TRERF1: variants seen among roughly 807,000 people sequenced by gnomAD.
TRERF1 encodes transcriptional-regulating factor 1.
A neutral mutation model predicts 122.9 loss-of-function variants in TRERF1; 27 were observed. That is an observed-to-expected ratio of 0.22 (90% confidence interval 0.16 to 0.30). TRERF1 has a LOEUF of 0.30. Ranked by LOEUF, TRERF1 falls within the 10% of genes least tolerant of loss-of-function variation. The pLI is 1.00. For synonymous variants in TRERF1, 636 were observed against 641.7 expected, an observed-to-expected ratio of 0.99 and a Z score of 0.13; for missense variants, 1,248 against 1,560.3, an observed-to-expected ratio of 0.80 and a Z score of 3.37.
chr6:42,303,927 A>AAG (rs1786692962), intron 3 of TRERF1, among the ~76,000 whole-genome samples: 1 of 150,110 alleles, frequency 6.7e-6, no homozygotes, highest in Non-Finnish European at 1.5e-5. Context: ...AAAAAAAAAA[A>AAG]AAGAAGATGT....
intron 2 of TRERF1, among the ~76,000 whole-genome samples, chr6:42,367,804 T>C (rs1773028799): frequency 6.6e-6 from 1 of 152,052 alleles, no homozygotes. Flanking sequence ...CAGGGGACCA[T>C]TTTTCAGCTG....
chr6:42,369,535 C>T (rs1317700144), intron 2 of TRERF1, among the ~76,000 whole-genome samples: 1 of 151,956 alleles, frequency 6.6e-6, no homozygotes, highest in Non-Finnish European at 1.5e-5. Flanking sequence ...AAAATCTGCA[C>T]CCCCACCCAG....
chr6:42,357,185 C>T (rs1287198415), intron 3 of TRERF1, among the ~76,000 whole-genome samples: 1 of 151,626 alleles, frequency 6.6e-6, no homozygotes, highest in Non-Finnish European at 1.5e-5. Flanking sequence ...AAAAATTAGC[C>T]AGGCATGGTG....
At chr6:42,270,539 G>C (rs1780030381) in intron 4 of TRERF1, among the ~76,000 whole-genome samples, 1 of 152,154 alleles carries the variant, frequency 6.6e-6, no homozygotes. Flanking sequence ...GCACAATGCG[G>C]AGAAATGACT....
chr6:42,354,245 A>G (rs191523274), intron 3 of TRERF1, among the ~76,000 whole-genome samples: 65 of 152,268 alleles, frequency 4.3e-4, no homozygotes, highest in Admixed American at 3.5e-3. Context: ...CATTTTCTAT[A>G]TATTTGTTTA....
At position 42,360,770 on chromosome 6, in the gene TRERF1, T is replaced by TAAAAAAAAAAAAAAA. The variant is rs1491517636; in HGVS notation, c.-371+2226_-371+2227insTTTTTTTTTTTTTTT. 9.4e-5 allele frequency among the ~76,000 whole-genome samples: 6 copies of TAAAAAAAAAAAAAAA among 64,046 alleles called. 2 individuals are homozygous for TAAAAAAAAAAAAAAA. Among genetic ancestry groups the TAAAAAAAAAAAAAAA allele is most frequent in the African/African-American group, 2.3e-4 (5 of 21,586 alleles). 42.0% of individuals were successfully genotyped at this position (64,046 alleles called of 152,430 possible). ...ACCCAGGGAGGAAGGAGTGGAGAGA[T>TAAAAAAAAAAAAAAA]TAAAAAAAAAAAAAAAAAAAAAAAA... On this transcript the variant is annotated intron_variant, in intron 3 of 17. Coordinates refer to ENST00000372922, the Ensembl canonical transcript of TRERF1.
intron 3 of TRERF1, among the ~76,000 whole-genome samples, chr6:42,312,222 G>T (rs1392350776): frequency 1.3e-5 from 2 of 152,134 alleles, no homozygotes; most frequent in Non-Finnish European, 2.9e-5. Context: ...AGAGCCACCA[G>T]AGAAGAGCAG....
intron 2 of TRERF1, among the ~76,000 whole-genome samples, chr6:42,395,433 G>C (rs977589189): frequency 5.9e-5 from 9 of 152,170 alleles, no homozygotes; most frequent in Non-Finnish European, 1.2e-4. Context: ...GGGGGACAGA[G>C]GATTGAGCCC....
rs1373631479 is a variant in TRERF1 at position 42,359,667 on chromosome 6, T to C, written c.-371+3330A>G. Among the ~76,000 whole-genome samples, 3 of 152,202 alleles carry C rather than the reference T, an allele frequency of 2.0e-5. No homozygotes were observed. In the East Asian group the frequency reaches 5.8e-4, roughly 29 times the overall value. ...TGAACCTGGGAGGCGGAGGTTGCAG[T>C]GAGCCGAGATCGCACCACAACACTC... On this transcript the variant is annotated intron_variant, in intron 3 of 17. Coordinates refer to ENST00000372922, the Ensembl canonical transcript of TRERF1.
At chr6:42,332,681 G>A (rs952804081) in intron 3 of TRERF1, among the ~76,000 whole-genome samples, 4 of 152,172 alleles carry the variant, frequency 2.6e-5, no homozygotes, top group East Asian at 1.9e-4. Context: ...GGGCCCTCAC[G>A]GTTACTTAGG....
chr6:42,377,050 G>A (rs1054742057), intron 2 of TRERF1, among the ~76,000 whole-genome samples: 1 of 151,522 alleles, frequency 6.6e-6, no homozygotes, highest in Non-Finnish European at 1.5e-5. Flanking sequence ...ATTTTTAGTA[G>A]AGACGGGGTT....
chr6:42,320,427 AT>A (rs1398316746), intron 3 of TRERF1, among the ~76,000 whole-genome samples: 2 of 152,174 alleles, frequency 1.3e-5, no homozygotes, highest in Non-Finnish European at 2.9e-5. Context: ...AGCACAACCT[AT>A]TAAAGACGAA....
chr6:42,405,042 C>T (rs1172287240), intron 2 of TRERF1, among the ~76,000 whole-genome samples: 2 of 152,180 alleles, frequency 1.3e-5, no homozygotes, highest in Non-Finnish European at 2.9e-5. Flanking sequence ...CAGCAACCAC[C>T]ACTTACAGCT....
chr6:42,361,733 C>T (rs1445945965), intron 3 of TRERF1, among the ~76,000 whole-genome samples: 1 of 152,224 alleles, frequency 6.6e-6, no homozygotes, highest in East Asian at 1.9e-4. Context: ...ACTCTTGACT[C>T]TGTGAGACTG....
chr6:42,325,630 T>C (rs1375748555), intron 3 of TRERF1, among the ~76,000 whole-genome samples: 2 of 152,098 alleles, frequency 1.3e-5, no homozygotes, highest in Non-Finnish European at 2.9e-5. Flanking sequence ...TCCCAGCACT[T>C]TGGGAGGCTG....
At chr6:42,254,805 G>A (rs759724248) in intron 13 of TRERF1, 46 bp downstream of exon 13, 6 of 1,559,030 alleles carry the variant, frequency 3.8e-6, no homozygotes, top group Non-Finnish European at 5.3e-6. Context: ...CATGCAAGCA[G>A]CCCGTCGTCA....
chr6:42,298,530 G>C (rs1315309324), intron 4 of TRERF1, among the ~76,000 whole-genome samples: 1 of 151,662 alleles, frequency 6.6e-6, no homozygotes. Flanking sequence ...ATAGGTTGAG[G>C]GTGGTGGCTC....
chr6:42,288,183 A>G (rs1348060526), intron 4 of TRERF1, among the ~76,000 whole-genome samples: 1 of 152,010 alleles, frequency 6.6e-6, no homozygotes, highest in Non-Finnish European at 1.5e-5. Flanking sequence ...GTGGGAACAG[A>G]GACAGTGTCA....
intron 2 of TRERF1, among the ~76,000 whole-genome samples, chr6:42,379,688 A>C (rs1418073297): frequency 6.6e-6 from 1 of 152,030 alleles, no homozygotes; most frequent in African/African-American, 2.4e-5. Flanking sequence ...GTGCTACCAC[A>C]CTTGGATAAT....
Sources: allele counts gnomAD v4.1 joint callset (sites outside exome capture counted in the v4.1 genomes callset), GRCh38; gene constraint gnomAD v4.1.1; transcripts MANE v1.5; gene names NCBI Gene and HGNC (gene_info 2026-07-23, HGNC 2026-07-21).